Variants in CIT observed in about 807,000 individuals in gnomAD.
CIT encodes the protein citron Rho-interacting kinase.
A neutral mutation model predicts 272.7 loss-of-function variants in CIT; 79 were observed. That is an observed-to-expected ratio of 0.29 (90% CI 0.24 to 0.35). The LOEUF is 0.35. Among genes scored for constraint, CIT ranks in the 10% least tolerant of loss-of-function variants. The probability of loss-of-function intolerance (pLI) is 1.00; values close to 1 mark genes in which losing one functional copy is unlikely to be tolerated. For missense variants in CIT, 1,909 were observed against 2,618.3 expected (o/e 0.73, Z 5.91); for synonymous variants, 948 against 995.6 (o/e 0.95, Z 0.90).
Position 119,712,309 on chromosome 12 carries a change from T to G in CIT, c.4723A>C (p.Thr1575Pro). ...AGGGTTCTCCCGGGCCAGCAGGTGG[T>G]GTGCGGGTGAGATTCCATCTTCAGT... is the stretch of plus-strand genomic sequence containing the variant. ...YILKMESHPH[T>P]TCWPGRTLYL... Residue 1575 changes from threonine to proline, a missense_variant, in exon 37 of 48, where the codon ACC (threonine) becomes CCC (proline). Around this residue, in one of 8 missense-constraint regions of CIT, gnomAD observed 780 missense variants for 1,067.2 expected, o/e 0.73. Transcript: ENST00000392521. This position sits in a 1 kb window ranked among gnomAD's most constrained non-coding sequence, Gnocchi z 5.2. 6.2e-7 allele frequency: 1 copy of G among 1,613,758 alleles called. No individual in the cohort carries two copies. Among genetic ancestry groups the G allele is most frequent in the Admixed American group, 1.7e-5 (1 of 59,950 alleles).
At chr12:119,719,845 T>A (rs1464785585) in intron 30 of CIT, among the ~76,000 whole-genome samples, 2 of 152,224 alleles carry the variant, frequency 1.3e-5, no homozygotes, top group East Asian at 3.8e-4. Flanking sequence ...TGGGAAAGCA[T>A]GTATAGATCA....
chr12:119,747,142 G>C (rs1383006585), intron 23 of CIT, among the ~76,000 whole-genome samples: 1 of 152,176 alleles, frequency 6.6e-6, no homozygotes, highest in Non-Finnish European at 1.5e-5. Context: ...GACTGAGATG[G>C]CCAGGCACAG....
intron 3 of CIT, among the ~76,000 whole-genome samples, chr12:119,858,504 G>A (rs1191230361): frequency 3.4e-5 from 5 of 146,214 alleles, no homozygotes; most frequent in African/African-American, 1.3e-4. Context: ...GTGACAGAGT[G>A]AAACTCTGTC....
intron 16 of CIT, among the ~76,000 whole-genome samples, chr12:119,773,735 G>A (rs996848429): frequency 2.6e-5 from 4 of 152,142 alleles, no homozygotes; most frequent in Admixed American, 1.3e-4. Flanking sequence ...GCCTGTGTTT[G>A]CTGTTTTTAA....
intron 40 of CIT, among the ~76,000 whole-genome samples, chr12:119,705,395 G>A (rs1429910282): frequency 3.3e-5 from 5 of 152,130 alleles, no homozygotes; most frequent in African/African-American, 7.2e-5. Flanking sequence ...GTCCTGGCAC[G>A]AAGGTCAGCA....
intron 13 of CIT, among the ~76,000 whole-genome samples, chr12:119,780,081 G>C (rs543829979): frequency 4.2e-4 from 64 of 152,254 alleles, no homozygotes; most frequent in African/African-American, 1.5e-3. Context: ...TGGAGCTTCA[G>C]AATTTTGTGG....
chr12:119,754,280 A>C (rs147813435), intron 22 of CIT, among the ~76,000 whole-genome samples: 11 of 152,324 alleles, frequency 7.2e-5, no homozygotes, highest in African/African-American at 2.4e-4. Flanking sequence ...TCAAACCCAG[A>C]AAGTCTGGCT....
chr12:119,730,518 T>G lies in CIT; in HGVS notation c.3463A>C (p.Lys1155Gln). 6.2e-7 allele frequency: 1 copy of G among 1,613,644 alleles called. No individual in the cohort carries two copies. Among genetic ancestry groups the G allele is most frequent in the Non-Finnish European group, 8.5e-7 (1 of 1,179,568 alleles). Residue 1155 changes from lysine (K) to glutamine (Q), a missense_variant, in exon 27 of 48, where the codon AAG becomes CAG. Physicochemically the swap from Lys to Gln is moderately conservative, Grantham distance 53. This residue lies in a region of CIT where 530 missense variants were observed against 822.4 expected (regional missense o/e 0.64). Coordinates refer to ENST00000392521, the MANE Select transcript of CIT (RefSeq NM_001206999.2). ...ACCTTGTCAGAGAGGCTCTCGGCCT[T>G]CAGCTTCTGCTCTTTGAGAGCCTGC... ...LQQALKEQKL[K>Q]AESLSDKLND... is the part of the protein sequence containing the mutation.
chr12:119,854,318 C>T (rs368287275), intron 4 of CIT, among the ~76,000 whole-genome samples: 1 of 151,208 alleles, frequency 6.6e-6, no homozygotes, highest in Non-Finnish European at 1.5e-5. Context: ...TGAGCCACTG[C>T]ACCCGGCCCA....
At position 119,710,183 on chromosome 12, in the gene CIT, G is replaced by A. The variant is rs1957095128; in HGVS notation, c.5071+68C>T. On this transcript the variant is annotated intron_variant, in intron 39 of 47. Coordinates refer to ENST00000392521, the MANE Select transcript of CIT (RefSeq NM_001206999.2). The surrounding 1 kb of genome is among the most constrained non-coding windows in gnomAD (Gnocchi z 5.6). ...CTACTATTTTGTGTTTTACGAGCAT[G>A]AAACGTGGCTTCAACATATTGGCTC... 3.9e-6 allele frequency: 6 copies of A among 1,551,040 alleles called. No homozygotes were observed. Among genetic ancestry groups the A allele is most frequent in the Non-Finnish European group, 5.3e-6 (6 of 1,142,182 alleles).
At chr12:119,755,316 C>T (rs902035576) in intron 22 of CIT, among the ~76,000 whole-genome samples, 2 of 152,108 alleles carry the variant, frequency 1.3e-5, no homozygotes, top group South Asian at 4.1e-4. Flanking sequence ...ACCTTGACAA[C>T]CCCTAAAAAA....
In CIT at chr12:119,822,836, C is replaced by T. The variant is rs1967833743; in HGVS notation, c.1095G>A (p.Trp365Ter). 1.2e-6 allele frequency: 2 copies of T among 1,613,872 alleles called. No homozygotes were observed. Among genetic ancestry groups the T allele is most frequent in the Non-Finnish European group, 1.7e-6 (2 of 1,179,986 alleles). The change falls in exon 9 of 48, where the codon TGG becomes TGA. Residue 365 changes from tryptophan to a stop codon, truncating the protein, a stop_gained. Coordinates refer to ENST00000392521, the MANE Select transcript of CIT (RefSeq NM_001206999.2). LOFTEE classifies it high-confidence loss of function. ...CCHPFFSKIDWNNIRNSPPPF... is the reference protein window; with the variant it reads ...CCHPFFSKID ...CCTACTTACAGTTACGAATGTTGTT[C>T]CAGTCAATTTTAGAGAAGAAAGGAT...
At chr12:119,781,970 G>A (rs1205917926) in intron 13 of CIT, among the ~76,000 whole-genome samples, 1 of 152,074 alleles carries the variant, frequency 6.6e-6, no homozygotes, top group Non-Finnish European at 1.5e-5. Flanking sequence ...AGCTTTGCAG[G>A]CCACATGGTC....
At chr12:119,845,342 G>C (rs1329467080) in intron 5 of CIT, among the ~76,000 whole-genome samples, 3 of 151,872 alleles carry the variant, frequency 2.0e-5, no homozygotes, top group African/African-American at 7.3e-5. Context: ...GTCCACAGCA[G>C]TTAAATCCAC....
chr12:119,721,732 G>A (rs1215683149), intron 28 of CIT, among the ~76,000 whole-genome samples: 1 of 152,122 alleles, frequency 6.6e-6, no homozygotes, highest in African/African-American at 2.4e-5. Context: ...TCCAATTGAG[G>A]ATATTTTGGT....
In CIT at chr12:119,850,186, ATTT is replaced by A; in HGVS notation, c.501_503del (p.Lys167del). The A allele has an allele frequency of 6.2e-7, 1 of 1,604,674 alleles. No individual in the cohort carries two copies. The highest frequency in any genetic ancestry group is 8.5e-7 in the Non-Finnish European group (1 of 1,171,544). ...TGTAAAGACTCACCAGATAAAGGTG[ATTT>A]TTGTCCTGAAAGGCATACTGTAATT... On this transcript the variant is annotated inframe_deletion, in exon 5 of 48. Transcript: ENST00000392521.
intron 10 of CIT, among the ~76,000 whole-genome samples, chr12:119,785,520 C>T (rs748547229): frequency 6.6e-6 from 1 of 151,990 alleles, no homozygotes; most frequent in Non-Finnish European, 1.5e-5. Flanking sequence ...AGAGAGAGTG[C>T]AGCCTTGTCT....
In CIT at chr12:119,770,264, T is replaced by A. The variant is rs1407340307; in HGVS notation, c.2208+521A>T. Among the ~76,000 whole-genome samples, 9 of 151,778 alleles carry A rather than the reference T, an allele frequency of 5.9e-5. No homozygotes were observed. Among genetic ancestry groups the A allele is most frequent in the African/African-American group, 1.7e-4 (7 of 41,306 alleles). ...GCTATATCTAAGGAAATTGAAAAAA[T>A]AATAATAATAATAACCAACTGTAGC... On this transcript the variant is annotated intron_variant, in intron 18 of 47. Coordinates refer to ENST00000392521, the MANE Select transcript of CIT (RefSeq NM_001206999.2). This position sits in a 1 kb window ranked among gnomAD's most constrained non-coding sequence, Gnocchi z 4.4.
Position 119,734,268 on chromosome 12 carries a change from C to G in CIT, c.3246G>C (p.Glu1082Asp). 1 of 1,614,086 alleles carries G rather than the reference C, an allele frequency of 6.2e-7. No homozygotes were observed. Among genetic ancestry groups the G allele is most frequent in the Non-Finnish European group, 8.5e-7 (1 of 1,180,016 alleles). The change falls in exon 26 of 48, where the codon GAG becomes GAC. Residue 1082 changes from glutamate (E) to aspartate (D), a missense_variant. Coordinates refer to ENST00000392521, the MANE Select transcript of CIT (RefSeq NM_001206999.2). ...CGCTCCTCCAGGCCTCCCACTGCCG[C>G]TCTTTTTCTAGCAGCTCATCGTTTA... ...EALNDELLEK[E>D]RQWEAWRSVL...
Sources: gnomAD v4.1 joint callset for allele counts (sites outside exome capture counted in the v4.1 genomes callset) on GRCh38, gnomAD v4.1.1 for gene constraint, gnomAD v4.1.1 regional missense constraint, Gnocchi (gnomAD v3.1) non-coding constraint, MANE v1.5 for transcripts, NCBI Gene and HGNC (gene_info 2026-07-23, HGNC 2026-07-21) for gene names.